Variants in TYR observed in about 807,000 individuals in gnomAD.
The protein encoded by TYR is LB24-AB.
TYR carries 58 observed loss-of-function variants against 51.5 expected under a neutral mutation model. The observed-to-expected ratio is 1.13, with a 90% CI of 0.91 to 1.40. TYR has a LOEUF of 1.40. Ranked by LOEUF, TYR falls within the 40% of genes most tolerant of loss-of-function variation. The pLI, the probability that TYR is intolerant of heterozygous loss-of-function variation, is 0.00. For missense variants in TYR, 732 were observed against 647.4 expected (o/e 1.13, Z -1.42); for synonymous variants, 263 against 235.2 (o/e 1.12, Z -1.08).
chr11:89,237,257 A>T (rs982050221), intron 3 of TYR, among the ~76,000 whole-genome samples: 42 of 152,162 alleles, frequency 2.8e-4, no homozygotes, highest in African/African-American at 9.9e-4. Context: ...TGCTTTGAGG[A>T]TCATTTCCAA....
chr11:89,188,541 G>T (rs903778373), intron 1 of TYR, among the ~76,000 whole-genome samples: 2 of 152,002 alleles, frequency 1.3e-5, no homozygotes, highest in African/African-American at 2.4e-5. Context: ...TTTGCCAATT[G>T]TTGTGGTGTA....
At chr11:89,192,021 G>T (rs1328833636) in intron 2 of TYR, 2 of 453,670 alleles carry the variant, frequency 4.4e-6, no homozygotes, top group East Asian at 6.8e-5. Context: ...CTAGGCAGTG[G>T]GTTCTTTGAG....
At chr11:89,231,715 G>A (rs1309480686) in intron 3 of TYR, among the ~76,000 whole-genome samples, 1 of 142,726 alleles carries the variant, frequency 7.0e-6, no homozygotes, top group Non-Finnish European at 1.5e-5. Flanking sequence ...TGAGCGCAGT[G>A]GATCATGCCT....
chr11:89,179,299 T>G (rs940734084), intron 1 of TYR, among the ~76,000 whole-genome samples: 2 of 152,198 alleles, frequency 1.3e-5, no homozygotes, highest in African/African-American at 2.4e-5. Flanking sequence ...ATGTCTATGG[T>G]GATTCTTTTA....
At chr11:89,231,093 C>T (rs1014016688) in intron 3 of TYR, among the ~76,000 whole-genome samples, 3 of 146,042 alleles carry the variant, frequency 2.1e-5, no homozygotes, top group African/African-American at 7.6e-5. Flanking sequence ...ATTGTTTTAA[C>T]TTGGGAGGTA....
intron 3 of TYR, among the ~76,000 whole-genome samples, chr11:89,278,426 A>T (rs1944681992): frequency 6.6e-6 from 1 of 151,736 alleles, no homozygotes. Flanking sequence ...TTTAGAATAT[A>T]TTCATTCATT....
chr11:89,271,864 C>T (rs965478937), intron 3 of TYR, among the ~76,000 whole-genome samples: 16 of 151,902 alleles, frequency 1.1e-4, no homozygotes, highest in African/African-American at 3.9e-4. Context: ...AAATAAGTTT[C>T]ATCTCAAGAA....
chr11:89,224,074 A>G (rs776548582), intron 2 of TYR, among the ~76,000 whole-genome samples: 31 of 152,128 alleles, frequency 2.0e-4, no homozygotes, highest in Non-Finnish European at 3.8e-4. Context: ...GGATGAGAGC[A>G]GGCAGCAGGC....
rs75987323 is a variant in TYR at position 89,192,152 on chromosome 11, A to G, written c.1036+734A>G. 3.8e-3 allele frequency: 905 copies of G among 235,206 alleles called. 19 individuals are homozygous for G. The East Asian group carries it at 0.066, about 17-fold the overall frequency. 14.6% of individuals were successfully genotyped at this position (235,206 alleles called of 1,614,324 possible). On this transcript the variant is annotated intron_variant, in intron 2 of 4. Coordinates refer to ENST00000263321, the MANE Select transcript of TYR (RefSeq NM_000372.5). ...CATCTCATGATCTTCTCTAACTCCT[A>G]AATATTTATCCTACAAATGTTTTCA...
chr11:89,238,096 G>A (rs1944142743), intron 3 of TYR, among the ~76,000 whole-genome samples: 1 of 151,960 alleles, frequency 6.6e-6, no homozygotes. Flanking sequence ...TCAGACTTCA[G>A]ATTGCTGGGA....
At chr11:89,218,530 G>A (rs892060249) in intron 2 of TYR, among the ~76,000 whole-genome samples, 7 of 152,136 alleles carry the variant, frequency 4.6e-5, no homozygotes, top group African/African-American at 1.7e-4. Flanking sequence ...CCAAGAATGA[G>A]CTGGAATAGT....
chr11:89,208,897 T>C (rs758563694), intron 2 of TYR, among the ~76,000 whole-genome samples: 5 of 152,244 alleles, frequency 3.3e-5, no homozygotes, highest in South Asian at 2.1e-4. Context: ...ATTTATGTTA[T>C]TGTAAAGTAA....
At chr11:89,233,750 T>C (rs2135286113) in intron 3 of TYR, among the ~76,000 whole-genome samples, 1 of 142,502 alleles carries the variant, frequency 7.0e-6, no homozygotes, top group South Asian at 2.3e-4. Flanking sequence ...TTCCAGGGAG[T>C]TGGTCTCAGC....
chr11:89,206,541 G>C (rs969287045), intron 2 of TYR, among the ~76,000 whole-genome samples: 1 of 152,146 alleles, frequency 6.6e-6, no homozygotes, highest in Non-Finnish European at 1.5e-5. Context: ...CACAATTACA[G>C]TTGGAGAATT....
chr11:89,180,111 T>A (rs78638992), intron 1 of TYR, among the ~76,000 whole-genome samples: 5,063 of 152,254 alleles, frequency 0.033, 308 homozygotes, highest in African/African-American at 0.12. Flanking sequence ...TAGTCAGCTA[T>A]TTACCAAATG....
chr11:89,275,164 A>G (rs1449603457), intron 3 of TYR, among the ~76,000 whole-genome samples: 2 of 151,922 alleles, frequency 1.3e-5, no homozygotes, highest in Non-Finnish European at 2.9e-5. Flanking sequence ...GTGTTTCACA[A>G]CTGTGCCGTC....
intron 3 of TYR, among the ~76,000 whole-genome samples, chr11:89,272,933 G>C (rs1015357613): frequency 1.3e-5 from 2 of 151,908 alleles, no homozygotes; most frequent in African/African-American, 4.8e-5. Flanking sequence ...ATTGAAGAGA[G>C]CTGGGGCCTT....
At chr11:89,286,704 C>A (rs1183513074) in intron 4 of TYR, among the ~76,000 whole-genome samples, 1 of 151,720 alleles carries the variant, frequency 6.6e-6, no homozygotes, top group Admixed American at 6.6e-5. Flanking sequence ...GTAGCCAATG[C>A]ACAAAATGCT....
chr11:89,264,465 G>A (rs541012222), intron 3 of TYR, among the ~76,000 whole-genome samples: 7 of 152,002 alleles, frequency 4.6e-5, no homozygotes, highest in East Asian at 1.9e-4. Context: ...TACACTGTTG[G>A]TTGAAGTATA....
Sources: allele counts gnomAD v4.1 joint callset (sites outside exome capture counted in the v4.1 genomes callset), GRCh38; gene constraint gnomAD v4.1.1; transcripts MANE v1.5; gene names NCBI Gene and HGNC (gene_info 2026-07-23, HGNC 2026-07-21).